Variants in PRKD1 observed in about 807,000 individuals in gnomAD.
PRKD1 encodes serine/threonine-protein kinase D1.
Under a neutral mutation model 95.9 loss-of-function variants are expected in PRKD1, and 63 were observed. The observed-to-expected ratio is 0.66, with a 90% CI of 0.54 to 0.81. The LOEUF is 0.81. Among genes scored for constraint, PRKD1 ranks in the 30% least tolerant of loss-of-function variants. The probability of loss-of-function intolerance (pLI) is 0.00; values close to 1 mark genes in which losing one functional copy is unlikely to be tolerated. For synonymous variants in PRKD1, 425 were observed against 423.1 expected (o/e 1.00, Z -0.05); for missense variants, 1,048 against 1,165.3 (o/e 0.90, Z 1.47).
chr14:29,910,839 C>T (rs932793004), intron 1 of PRKD1, among the ~76,000 whole-genome samples: 13 of 152,090 alleles, frequency 8.5e-5, no homozygotes, highest in Admixed American at 5.2e-4. Context: ...CAATCTTTGT[C>T]CCAGCTAAAA....
At chr14:29,918,346 T>C (rs1375238843) in intron 1 of PRKD1, among the ~76,000 whole-genome samples, 1 of 152,102 alleles carries the variant, frequency 6.6e-6, no homozygotes, top group Non-Finnish European at 1.5e-5. Flanking sequence ...GTCAGAACTA[T>C]GAAAATATCA....
chr14:29,675,098 G>C (rs77316846), intron 2 of PRKD1, among the ~76,000 whole-genome samples: 4,017 of 152,244 alleles, frequency 0.026, 180 homozygotes, highest in African/African-American at 0.092. Flanking sequence ...CCCGGCTGTG[G>C]CTCAGGGGCA....
At chr14:29,838,194 AT>A (rs1012373445) in intron 1 of PRKD1, among the ~76,000 whole-genome samples, 1 of 152,182 alleles carries the variant, frequency 6.6e-6, no homozygotes, top group African/African-American at 2.4e-5. Flanking sequence ...GGACCCCTAA[AT>A]ATGGGAAAAT....
chr14:29,900,048 T>G (rs1357347142), intron 1 of PRKD1, among the ~76,000 whole-genome samples: 2 of 152,220 alleles, frequency 1.3e-5, no homozygotes, highest in East Asian at 3.8e-4. Flanking sequence ...TACTGTAAGT[T>G]TCCTGAGGCC....
chr14:29,865,560 C>T (rs1892865898), intron 1 of PRKD1, among the ~76,000 whole-genome samples: 1 of 152,174 alleles, frequency 6.6e-6, no homozygotes, highest in Non-Finnish European at 1.5e-5. Context: ...TGCTCTCTTG[C>T]TTTTGAGCTC....
At chr14:29,633,977 A>G (rs1243532802) in intron 8 of PRKD1, among the ~76,000 whole-genome samples, 1 of 152,252 alleles carries the variant, frequency 6.6e-6, no homozygotes, top group Non-Finnish European at 1.5e-5. Flanking sequence ...CTCAGGGTAC[A>G]GGATTCCAAT....
intron 1 of PRKD1, among the ~76,000 whole-genome samples, chr14:29,787,654 C>T (rs1889336691): frequency 6.6e-6 from 1 of 152,204 alleles, no homozygotes; most frequent in South Asian, 2.1e-4. Context: ...GCTACTCTTG[C>T]ACACTTTTGA....
intron 1 of PRKD1, among the ~76,000 whole-genome samples, chr14:29,738,036 G>A (rs942163292): frequency 6.6e-6 from 1 of 152,100 alleles, no homozygotes; most frequent in Non-Finnish European, 1.5e-5. Flanking sequence ...CCCACCAATA[G>A]CATTAACACT....
chr14:29,633,082 C>T (rs1021474530), intron 8 of PRKD1, 136 bp from the exon 9 acceptor site: 2 of 744,936 alleles, frequency 2.7e-6, no homozygotes, highest in Admixed American at 2.1e-5. Flanking sequence ...AAGGCAGACT[C>T]ATGCTCAATT....
At chr14:29,835,908 T>C (rs1248649730) in intron 1 of PRKD1, among the ~76,000 whole-genome samples, 1 of 152,198 alleles carries the variant, frequency 6.6e-6, no homozygotes. Flanking sequence ...ACCAGTAATA[T>C]ATTCTTCCTC....
At position 29,927,305 on chromosome 14, in the gene PRKD1, CG is replaced by C; in HGVS notation, c.207del (p.Asp71ThrfsTer47). ...CGGACGTGCGCCAGGCTGTAGTCCC[CG>C]GACGAGTCCTGCAGCAGCAGCACCG... Reference protein sequence around the residue: ...REPVLLLQDSSGDYSLAHVRE... With the variant: ...REPVLLLQDSXGDYSLAHVRE... On this transcript the variant is annotated frameshift_variant, in exon 1 of 18. Coordinates refer to ENST00000331968, the MANE Select transcript of PRKD1 (RefSeq NM_002742.3). LOFTEE classifies it high-confidence loss of function. 6.4e-7 allele frequency: 1 copy of C among 1,551,590 alleles called. No individual in the cohort carries two copies. Among genetic ancestry groups the C allele is most frequent in the Non-Finnish European group, 8.7e-7 (1 of 1,150,584 alleles).
At chr14:29,683,838 G>A (rs1465892452) in intron 2 of PRKD1, among the ~76,000 whole-genome samples, 1 of 152,164 alleles carries the variant, frequency 6.6e-6, no homozygotes, top group Non-Finnish European at 1.5e-5. Flanking sequence ...GTTGATTTTT[G>A]TGTCATCGTC....
chr14:29,728,572 A>C (rs932452397), intron 1 of PRKD1, among the ~76,000 whole-genome samples: 7 of 152,186 alleles, frequency 4.6e-5, no homozygotes, highest in African/African-American at 1.7e-4. Flanking sequence ...CTTATTATAA[A>C]GTTTTTGAGA....
In PRKD1 at chr14:29,666,224, T is replaced by G. The variant is rs1461239277; in HGVS notation, c.404-16A>C. ...GTGGCGGAAGCTGTAAAAATAGTGA[T>G]GTTGAAAAGTAAGTTGAATAGGCAC... On this transcript the variant is annotated splice_polypyrimidine_tract_variant and intron_variant, in intron 2 of 17. Transcript: ENST00000331968. 1.2e-5 allele frequency: 19 copies of G among 1,577,130 alleles called. No homozygotes were observed. Among genetic ancestry groups the G allele is most frequent in the Non-Finnish European group, 1.6e-5 (18 of 1,153,566 alleles).
chr14:29,925,525 T>A (rs567406248), intron 1 of PRKD1, among the ~76,000 whole-genome samples: 1 of 152,132 alleles, frequency 6.6e-6, no homozygotes, highest in South Asian at 2.1e-4. Context: ...ACTCTCTCCA[T>A]GTAACACGCC....
chr14:29,771,132 C>T (rs1566590908), intron 1 of PRKD1, among the ~76,000 whole-genome samples: 1 of 152,070 alleles, frequency 6.6e-6, no homozygotes, highest in Non-Finnish European at 1.5e-5. Context: ...AGCCTTGCCA[C>T]ATTTTAAAGA....
intron 2 of PRKD1, among the ~76,000 whole-genome samples, chr14:29,676,643 G>A (rs1246906069): frequency 1.3e-5 from 2 of 152,190 alleles, no homozygotes; most frequent in African/African-American, 4.8e-5. Flanking sequence ...ATCAGCCACA[G>A]CGCCCGGCCA....
At chr14:29,762,707 T>C (rs1888052688) in intron 1 of PRKD1, among the ~76,000 whole-genome samples, 1 of 152,210 alleles carries the variant, frequency 6.6e-6, no homozygotes, top group African/African-American at 2.4e-5. Flanking sequence ...TAACTCCCTA[T>C]GCCTGTGGTG....
At position 29,832,142 on chromosome 14, in the gene PRKD1, T is replaced by C. The variant is rs149054399; in HGVS notation, c.264+95107A>G. Among the ~76,000 whole-genome samples the C allele has an allele frequency of 1.6e-4, 24 of 152,292 alleles. No homozygotes were observed. In the East Asian group the frequency reaches 4.4e-3, roughly 28 times the overall value. ...TCCAACTTTGCTGGATACGGCCATATACTTTTCCAAAGCGATTGTACCAAC... is the reference window on the plus strand; with the variant it reads ...TCCAACTTTGCTGGATACGGCCATACACTTTTCCAAAGCGATTGTACCAAC... On this transcript the variant is annotated intron_variant, in intron 1 of 17. Coordinates refer to ENST00000331968, the MANE Select transcript of PRKD1 (RefSeq NM_002742.3).
Sources: gnomAD v4.1 joint callset for allele counts (sites outside exome capture counted in the v4.1 genomes callset) on GRCh38, gnomAD v4.1.1 for gene constraint, MANE v1.5 for transcripts, NCBI Gene and HGNC (gene_info 2026-07-23, HGNC 2026-07-21) for gene names.